PCYT1A: variants seen among roughly 807,000 people sequenced by gnomAD.
PCYT1A encodes phosphate cytidylyltransferase 1A, choline.
In PCYT1A, 25 loss-of-function variants were observed where a neutral mutation model predicts 43.7. The observed-to-expected ratio is 0.57, with a 90% CI of 0.42 to 0.80. The LOEUF (loss-of-function observed/expected upper bound fraction) is 0.80, where lower values mean the gene tolerates loss of function less well. PCYT1A is among the 30% of genes least tolerant of loss of function. The probability of loss-of-function intolerance (pLI) is 0.00; values close to 1 mark genes in which losing one functional copy is unlikely to be tolerated. For synonymous variants in PCYT1A, 172 were observed against 170.7 expected (o/e 1.01, Z -0.06); for missense variants, 421 against 474.2 (o/e 0.89, Z 1.04).
chr3:196,285,759 C>T (rs1263513334), intron 1 of PCYT1A, among the ~76,000 whole-genome samples: 2 of 152,166 alleles, frequency 1.3e-5, no homozygotes, highest in African/African-American at 4.8e-5. Context: ...GTCCCCCTTT[C>T]TTTCTCATCA....
At chr3:196,279,215 G>C (rs1035138159) in intron 1 of PCYT1A, among the ~76,000 whole-genome samples, 6 of 149,914 alleles carry the variant, frequency 4.0e-5, no homozygotes, top group Non-Finnish European at 8.8e-5. Context: ...TTGAACCCAA[G>C]AGACGGAGGC....
intron 1 of PCYT1A, among the ~76,000 whole-genome samples, chr3:196,274,272 G>A (rs1425027496): frequency 6.6e-6 from 1 of 152,138 alleles, no homozygotes; most frequent in Non-Finnish European, 1.5e-5. Flanking sequence ...GGCTGCTCCC[G>A]CCCTGCCAAC....
intron 1 of PCYT1A, chr3:196,283,402 T>C (rs913515587): frequency 3.3e-5 from 5 of 152,160 alleles, no homozygotes; most frequent in Admixed American, 3.3e-4. Flanking sequence ...TATATATCTA[T>C]TAACCTGGTT....
At chr3:196,279,057 G>T (rs1234722376) in intron 1 of PCYT1A, among the ~76,000 whole-genome samples, 1 of 151,444 alleles carries the variant, frequency 6.6e-6, no homozygotes, top group Non-Finnish European at 1.5e-5. Flanking sequence ...AGAGGCCAAG[G>T]CGGGAGGATC....
rs773778333 is a variant in PCYT1A at position 196,273,357 on chromosome 3, GCT to G, written c.-10-2818_-10-2817del. On this transcript the variant is annotated intron_variant, in intron 1 of 8. Transcript: ENST00000431016. The surrounding 1 kb of genome is among the most constrained non-coding windows in gnomAD (Gnocchi z 4.1). ...GTGGGGGAGGGGAGGACGTGTTTCG[GCT>G]CTGTTTGTGTTTCAGCTCTTTCAGT... Among the ~76,000 whole-genome samples the G allele has an allele frequency of 6.8e-4, 103 of 152,274 alleles. 3 individuals are homozygous for G. Among genetic ancestry groups the G allele is most frequent in the East Asian group, 2.3e-3 (12 of 5,182 alleles).
intron 2 of PCYT1A, 96 bp from the exon 3 acceptor site, chr3:196,257,983 C>G: frequency 1.4e-6 from 1 of 699,308 alleles, no homozygotes; most frequent in Non-Finnish European, 2.4e-6. Flanking sequence ...AGATTGATCT[C>G]TCTATTATAG....
At chr3:196,246,497 A>C (rs1724574495) in intron 5 of PCYT1A, among the ~76,000 whole-genome samples, 1 of 152,026 alleles carries the variant, frequency 6.6e-6, no homozygotes, top group African/African-American at 2.4e-5. Context: ...TGGCCTCCCA[A>C]AGTGCTTGGA....
At chr3:196,255,207 A>C (rs1006348739) in intron 3 of PCYT1A, among the ~76,000 whole-genome samples, 1 of 152,222 alleles carries the variant, frequency 6.6e-6, no homozygotes, top group African/African-American at 2.4e-5. Context: ...ACCAGAGTTC[A>C]AATTAAGCTG....
intron 7 of PCYT1A, chr3:196,241,714 C>T (rs186896118): frequency 1.5e-6 from 2 of 1,376,874 alleles, no homozygotes; most frequent in East Asian, 2.8e-5. Flanking sequence ...ATATAAATTA[C>T]TCATTTATTT....
At chr3:196,281,345 T>C (rs1725766494) in intron 1 of PCYT1A, among the ~76,000 whole-genome samples, 1 of 152,188 alleles carries the variant, frequency 6.6e-6, no homozygotes, top group Admixed American at 6.5e-5. Flanking sequence ...TAAAGGCCTT[T>C]GAAGCTTGAA....
chr3:196,245,114 T>C (rs1724520347), intron 5 of PCYT1A, among the ~76,000 whole-genome samples: 2 of 59,948 alleles, frequency 3.3e-5, no homozygotes. Context: ...ATAAAAGAAG[T>C]TTTATCCTCA....
chr3:196,265,998 C>A (rs1030216880), intron 2 of PCYT1A, among the ~76,000 whole-genome samples: 4 of 149,806 alleles, frequency 2.7e-5, no homozygotes, highest in African/African-American at 4.9e-5. Context: ...CTCAGCCTCC[C>A]GAAGTGCTGG....
chr3:196,256,471 C>T (rs1001229394), intron 3 of PCYT1A, among the ~76,000 whole-genome samples: 1 of 152,106 alleles, frequency 6.6e-6, no homozygotes, highest in Non-Finnish European at 1.5e-5. Flanking sequence ...GCCTGGGCAA[C>T]AGAGTGAGAC....
chr3:196,272,766 A>G (rs1464996498), intron 1 of PCYT1A, among the ~76,000 whole-genome samples: 1 of 152,240 alleles, frequency 6.6e-6, no homozygotes, highest in Non-Finnish European at 1.5e-5. Flanking sequence ...CATTTAGCAG[A>G]GAGTTTCTAG....
At chr3:196,258,285 C>CAA (rs201725120) in intron 2 of PCYT1A, among the ~76,000 whole-genome samples, 1,282 of 114,766 alleles carry the variant, frequency 0.011, 22 homozygotes, top group South Asian at 0.08. Flanking sequence ...GACTCCACCT[C>CAA]AAAAAAAAAA....
chr3:196,254,366 A>G (rs1724893418), intron 3 of PCYT1A, among the ~76,000 whole-genome samples: 2 of 151,100 alleles, frequency 1.3e-5, no homozygotes, highest in Non-Finnish European at 3.0e-5. Context: ...GTATTTATTT[A>G]TTTTTTAAGA....
chr3:196,238,335 G>T lies in PCYT1A; in HGVS notation c.*353C>A, dbSNP rs771645300. On this transcript the variant is annotated 3_prime_UTR_variant, in exon 9 of 9. Coordinates refer to ENST00000431016, the MANE Select transcript of PCYT1A (RefSeq NM_001312673.2). ...ACCTCCTTCTTCTGCCCACTCCTCA[G>T]GGGCAAAAAATTAGTTCTACATTTG... 4 of 168,626 alleles carry T rather than the reference G, an allele frequency of 2.4e-5. No homozygotes were observed. The highest frequency in any genetic ancestry group is 5.0e-5 in the Non-Finnish European group (4 of 79,270). 10.4% of individuals were successfully genotyped at this position (168,626 alleles called of 1,614,324 possible).
intron 5 of PCYT1A, among the ~76,000 whole-genome samples, chr3:196,244,461 C>G (rs528188372): frequency 6.6e-6 from 1 of 151,726 alleles, no homozygotes; most frequent in Non-Finnish European, 1.5e-5. Context: ...GGCCGCGACC[C>G]GGTCTGGGAA....
At chr3:196,283,870 T>A (rs1387350171) in intron 1 of PCYT1A, among the ~76,000 whole-genome samples, 1 of 152,184 alleles carries the variant, frequency 6.6e-6, no homozygotes, top group Non-Finnish European at 1.5e-5. Context: ...ATGCTTGATG[T>A]GTGATAATGT....
Sources: allele counts gnomAD v4.1 joint callset (sites outside exome capture counted in the v4.1 genomes callset), GRCh38; gene constraint gnomAD v4.1.1; non-coding constraint Gnocchi (gnomAD v3.1); transcripts MANE v1.5; gene names NCBI Gene and HGNC (gene_info 2026-07-23, HGNC 2026-07-21).